Variants in MED25 observed in about 807,000 individuals in gnomAD.
MED25 encodes the protein mediator complex subunit 25, also known as mediator of RNA polymerase II transcription subunit 25.
In MED25, 62 loss-of-function variants were observed where a neutral mutation model predicts 89.4. That is an observed-to-expected ratio of 0.69 (90% CI 0.57 to 0.86). MED25 has a LOEUF of 0.86. Among genes scored for constraint, MED25 ranks in the 40% least tolerant of loss-of-function variants. The pLI is 0.00. For synonymous variants in MED25, 449 were observed against 427.9 expected, an observed-to-expected ratio of 1.05 and a Z score of -0.61; for missense variants, 905 against 1,005.2, an observed-to-expected ratio of 0.90 and a Z score of 1.35.
At chr19:49,827,502 G>A (rs1053324601) in intron 3 of MED25, among the ~76,000 whole-genome samples, 1 of 152,092 alleles carries the variant, frequency 6.6e-6, no homozygotes, top group African/African-American at 2.4e-5. Flanking sequence ...TGCATCACCC[G>A]TCCTCACATG....
Position 49,818,361 on chromosome 19 carries a change from G to T in MED25, c.20G>T (p.Gly7Val), listed in dbSNP as rs2123860220. 1 of 1,604,502 alleles carries T rather than the reference G, an allele frequency of 6.2e-7. No individual in the cohort carries two copies. Among genetic ancestry groups the T allele is most frequent in the South Asian group, 1.1e-5 (1 of 90,430 alleles). ...CGGGGTATGGTCCCCGGGTCCGAGG[G>T]CCCGGCCCGCGCCGGGAGCGTGGTG... Reference protein sequence around the residue: MVPGSEGPARAGSVVAD... With the variant: MVPGSEVPARAGSVVAD... Residue 7 changes from glycine to valine, a missense_variant, in exon 1 of 18, where the codon GGC (glycine) becomes GTC (valine). Transcript: ENST00000312865.
At chr19:49,819,392 T>A in intron 3 of MED25, 96 bp downstream of exon 3, 6 of 1,434,912 alleles carry the variant, frequency 4.2e-6, no homozygotes, top group Non-Finnish European at 5.7e-6. Context: ...TGAGAGGCTG[T>A]GAATAAGTGA....
chr19:49,831,162 AATCC>A lies in MED25; in HGVS notation c.1102-170_1102-167del, dbSNP rs1424206448. ...GCATCGCACAGCTTACGAGTCCTCGAATCCTGCAAGGTCCAAGCATTTGGGGTCC... is the reference window on the plus strand; with the variant it reads ...GCATCGCACAGCTTACGAGTCCTCGATGCAAGGTCCAAGCATTTGGGGTCC... On this transcript the variant is annotated intron_variant, in intron 9 of 17. Transcript: ENST00000312865. The surrounding 1 kb of genome is among the most constrained non-coding windows in gnomAD (Gnocchi z 5.0). 1.3e-5 allele frequency among the ~76,000 whole-genome samples: 2 copies of A among 152,136 alleles called. No homozygotes were observed. The highest frequency in any genetic ancestry group is 2.9e-5 in the Non-Finnish European group (2 of 68,010).
At chr19:49,827,244 C>A (rs2074021676) in intron 3 of MED25, among the ~76,000 whole-genome samples, 2 of 152,180 alleles carry the variant, frequency 1.3e-5, no homozygotes, top group African/African-American at 4.8e-5. Flanking sequence ...GAGGCCATCC[C>A]CGGGCCACAA....
At position 49,830,243 on chromosome 19, in the gene MED25, A is replaced by T. The variant is rs760809712; in HGVS notation, c.819+25A>T. Reference sequence around the variant, plus strand: ...GGTATGGATATTTCCGGGAAGGGACATGCTTCTGGGGACTTGCTGGAGCCC... The same window carrying T: ...GGTATGGATATTTCCGGGAAGGGACTTGCTTCTGGGGACTTGCTGGAGCCC... On this transcript the variant is annotated intron_variant, in intron 7 of 17. Coordinates refer to ENST00000312865, the MANE Select transcript of MED25 (RefSeq NM_030973.4). This position sits in a 1 kb window ranked among gnomAD's most constrained non-coding sequence, Gnocchi z 4.6. 1 of 1,604,028 alleles carries T rather than the reference A, an allele frequency of 6.2e-7. No homozygotes were observed. Among genetic ancestry groups the T allele is most frequent in the East Asian group, 2.2e-5 (1 of 44,588 alleles).
At chr19:49,837,600 A>G (rs1420802802), downstream of MED25, among the ~76,000 whole-genome samples, 1 of 152,056 alleles carries the variant, frequency 6.6e-6, no homozygotes, top group East Asian at 1.9e-4. Context: ...GGAGGCCAGG[A>G]AAGGTGAGGC....
rs1405699204 is a variant in MED25 at position 49,830,622 on chromosome 19, G to T, written c.907+24G>T. The T allele has an allele frequency of 1.2e-6, 2 of 1,613,540 alleles. No individual in the cohort carries two copies. Among genetic ancestry groups the T allele is most frequent in the Non-Finnish European group, 8.5e-7 (1 of 1,179,456 alleles). ...CTGTGAGTCCTGGAGTGAGGATGAAGGGCGGGCAGGGGCCAGGCAGGCCTC... is the reference window on the plus strand; with the variant it reads ...CTGTGAGTCCTGGAGTGAGGATGAATGGCGGGCAGGGGCCAGGCAGGCCTC... On this transcript the variant is annotated intron_variant, in intron 8 of 17. Transcript: ENST00000312865. The surrounding 1 kb of genome is among the most constrained non-coding windows in gnomAD (Gnocchi z 4.6).
chr19:49,832,961 G>A (rs1466017722), intron 13 of MED25: 1 of 188,132 alleles, frequency 5.3e-6, no homozygotes, highest in East Asian at 1.3e-4. Context: ...CATTCTCTCT[G>A]TATCTTTGTG....
At chr19:49,826,378 C>G (rs571589658) in intron 3 of MED25, among the ~76,000 whole-genome samples, 6 of 152,252 alleles carry the variant, frequency 3.9e-5, no homozygotes, top group African/African-American at 1.4e-4. Context: ...AAGAGGAGGG[C>G]TGGGAAGTGT....
At position 49,829,786 on chromosome 19, in the gene MED25, C is replaced by T. The variant is rs757456871; in HGVS notation, c.526C>T (p.Arg176Trp). Residue 176 changes from arginine (R) to tryptophan (W), a missense_variant and splice_region_variant, in exon 6 of 18, where the codon CGG becomes TGG. Arg to Trp is a moderately radical substitution (Grantham distance 101). Around this residue, in one of 3 missense-constraint regions of MED25, gnomAD observed 501 missense variants for 526.9 expected, o/e 0.95. Transcript: ENST00000312865. This position sits in a 1 kb window ranked among gnomAD's most constrained non-coding sequence, Gnocchi z 4.6. ...TGACTGCTCGGCCCCTCTCCTACAG[C>T]GGGGGATCCACTTCTCCATTGTGTC... ...TENLVQQIGERGIHFSIVSPR... is the reference protein window; with the variant it reads ...TENLVQQIGEWGIHFSIVSPR... The T allele has an allele frequency of 8.2e-6, 13 of 1,588,284 alleles. No homozygotes were observed. Among genetic ancestry groups the T allele is most frequent in the Admixed American group, 1.8e-5 (1 of 56,158 alleles).
intron 3 of MED25, among the ~76,000 whole-genome samples, chr19:49,820,208 A>T (rs939837946): frequency 6.6e-6 from 1 of 152,114 alleles, no homozygotes. Flanking sequence ...GCCCAAGCCG[A>T]CTCACGTCCA....
In MED25 at chr19:49,832,119, C is replaced by T; in HGVS notation, c.1336C>T (p.Gln446Ter). Residue 446 changes from glutamine to a stop codon, truncating the protein, a stop_gained, in exon 12 of 18, where the codon CAG becomes TAG. Transcript: ENST00000312865. LOFTEE classifies it high-confidence loss of function. ...CCCCAGGAAGACGGAGCAGTGGCCC[C>T]AGAAGCTGATCATGCAGCTCATCCC... is the stretch of plus-strand genomic sequence containing the variant. Reference protein sequence around the residue: ...GENLKTEQWPQKLIMQLIPQQ... With the variant: ...GENLKTEQWP The T allele has an allele frequency of 6.2e-7, 1 of 1,613,250 alleles. No individual in the cohort carries two copies. The highest frequency in any genetic ancestry group is 8.5e-7 in the Non-Finnish European group (1 of 1,180,026).
chr19:49,826,863 T>C (rs2074019170), intron 3 of MED25, among the ~76,000 whole-genome samples: 1 of 151,992 alleles, frequency 6.6e-6, no homozygotes, highest in Admixed American at 6.6e-5. Flanking sequence ...GGTGCGGGCA[T>C]GGAGCAGGAG....
At chr19:49,836,992 C>T (rs1300666510), downstream of MED25, 27 of 1,442,456 alleles carry the variant, frequency 1.9e-5, no homozygotes, top group South Asian at 2.4e-5. The surrounding 1 kb of genome is among the most constrained non-coding windows in gnomAD (Gnocchi z 5.1). Flanking sequence ...CCCCGGCTCC[C>T]GTCACTGACA....
intron 3 of MED25, among the ~76,000 whole-genome samples, chr19:49,825,975 CT>C (rs2074012680): frequency 6.6e-6 from 1 of 152,098 alleles, no homozygotes; most frequent in African/African-American, 2.4e-5. Context: ...TTAATTTCAC[CT>C]GTAGCAGAAC....
downstream of MED25, chr19:49,840,087 T>G (rs2074123695): frequency 6.6e-6 from 1 of 152,042 alleles, no homozygotes; most frequent in Non-Finnish European, 1.5e-5. Flanking sequence ...CTGAATCAAA[T>G]TAAACATCGT....
intron 12 of MED25, 73 bp downstream of exon 12, chr19:49,832,230 C>T (rs2123882683): frequency 6.4e-7 from 1 of 1,553,336 alleles, no homozygotes; most frequent in African/African-American, 1.4e-5. Context: ...GTTCCCTGCC[C>T]CACCCCCACT....
intron 3 of MED25, among the ~76,000 whole-genome samples, chr19:49,821,149 GA>G (rs2073978923): frequency 6.6e-6 from 1 of 152,222 alleles, no homozygotes; most frequent in African/African-American, 2.4e-5. Flanking sequence ...TGGTGGTGGG[GA>G]ATCCGTTCCC....
At chr19:49,818,542 C>T in intron 1 of MED25, 29 bp from the exon 2 acceptor site, 1 of 1,614,248 alleles carries the variant, frequency 6.2e-7, no homozygotes. Flanking sequence ...TCTTGCCTGA[C>T]TCCGACCTTT....
Sources: allele counts gnomAD v4.1 joint callset (sites outside exome capture counted in the v4.1 genomes callset), GRCh38; gene constraint gnomAD v4.1.1; regional missense constraint gnomAD v4.1.1; non-coding constraint Gnocchi (gnomAD v3.1); transcripts MANE v1.5; gene names NCBI Gene and HGNC (gene_info 2026-07-23, HGNC 2026-07-21).